Variants in TECPR1 observed in about 807,000 individuals in gnomAD.
TECPR1 encodes tectonin beta-propeller repeat containing 1.
A neutral mutation model predicts 162.4 loss-of-function variants in TECPR1; 122 were observed. The observed-to-expected ratio is 0.75, with a 90% CI of 0.65 to 0.87. The LOEUF is 0.87. TECPR1 is among the 40% of genes least tolerant of loss of function. The pLI, the probability that TECPR1 is intolerant of heterozygous loss-of-function variation, is 0.00. For missense variants in TECPR1, 1,432 were observed against 1,618.2 expected (o/e 0.88, Z 1.97); for synonymous variants, 642 against 670.6 (o/e 0.96, Z 0.66).
intron 23 of TECPR1, among the ~76,000 whole-genome samples, chr7:98,220,608 G>T (rs1031703667): frequency 1.3e-5 from 2 of 151,174 alleles, no homozygotes; most frequent in Admixed American, 1.3e-4. Flanking sequence ...ACCCAGGCTG[G>T]AGTGCAGTGA....
chr7:98,227,928 C>T (rs1050331837), intron 17 of TECPR1, 86 bp downstream of exon 17: 46 of 1,111,248 alleles, frequency 4.1e-5, no homozygotes, highest in Non-Finnish European at 5.2e-5. Context: ...CTGGACTCCA[C>T]GCTACGGTGG....
chr7:98,222,599 G>T, intron 21 of TECPR1, 78 bp from the exon 22 acceptor site: 2 of 1,505,222 alleles, frequency 1.3e-6, no homozygotes, highest in South Asian at 1.2e-5. Context: ...CAGCAGAAAT[G>T]GGCCTAGCGC....
At chr7:98,233,057 C>A in intron 11 of TECPR1, 85 bp from the exon 12 acceptor site, 2 of 1,458,010 alleles carry the variant, frequency 1.4e-6, no homozygotes, top group South Asian at 1.4e-5. Context: ...TCCACCAAAT[C>A]AGCCCTTTCT....
At chr7:98,221,877 C>T in intron 22 of TECPR1, 124 bp from the exon 23 acceptor site, 1 of 713,068 alleles carries the variant, frequency 1.4e-6, no homozygotes, top group South Asian at 1.8e-5. Context: ...GTGTGCCACA[C>T]AGAGCTGACA....
rs369865845 is a variant in TECPR1, at chr7:98,222,468, G to A, written c.2982C>T (p.Ile994=). ...GTDQPFASIS[I]GACYQVWAVA... The stretch of plus-strand genomic sequence containing the variant: ...CGGCCCACACCTGGTAGCAGGCCCC[G>A]ATGGAGATGGAGGCGAAGGGCTGGT... The change falls in exon 22 of 26, where the codon ATC becomes ATT. Residue 994 remains isoleucine, a synonymous_variant. Coordinates refer to ENST00000447648, the MANE Select transcript of TECPR1 (RefSeq NM_015395.3). The A allele has an allele frequency of 1.0e-4, 166 of 1,594,666 alleles. 1 individual carries two copies. Among genetic ancestry groups the A allele is most frequent in the Admixed American group, 3.0e-4 (17 of 57,122 alleles).
At chr7:98,236,249 A>AAGTC (rs1562940545) in intron 10 of TECPR1, among the ~76,000 whole-genome samples, 1 of 152,120 alleles carries the variant, frequency 6.6e-6, no homozygotes, top group East Asian at 1.9e-4. Flanking sequence ...GAGAAATACC[A>AAGTC]AGTCTCAAAC....
At position 98,233,761 on chromosome 7, in the gene TECPR1, T is replaced by G. The variant is rs1380645458; in HGVS notation, c.1332A>C (p.Ser444=). 6.2e-7 allele frequency: 1 copy of G among 1,612,646 alleles called. No individual in the cohort carries two copies. The highest frequency in any genetic ancestry group is 2.2e-5 in the East Asian group (1 of 44,878). ...TCCTGCCAGCCCCCAGGCCTGAGGC[T>G]GAGTTCCCTGTGGCATTCTTGGAAT... ...LDDSKNATGN[S]ASGLGAGRTA... is the part of the protein sequence containing the mutation. The change falls in exon 11 of 26, where the codon TCA becomes TCC. Residue 444 remains serine, a synonymous_variant. Transcript: ENST00000447648.
chr7:98,222,860 C>A, intron 21 of TECPR1, 130 bp downstream of exon 21: 1 of 1,275,968 alleles, frequency 7.8e-7, no homozygotes, highest in Non-Finnish European at 1.1e-6. Context: ...CCCCAGGGCA[C>A]AGGGACCCAC....
intron 17 of TECPR1, 26 bp downstream of exon 17, chr7:98,227,988 C>T (rs1798321982): frequency 6.3e-7 from 1 of 1,593,822 alleles, no homozygotes; most frequent in Non-Finnish European, 8.6e-7. Context: ...CAGGCAGCAT[C>T]CTGGCCGGGC....
chr7:98,247,231 C>T (rs1374381521), intron 2 of TECPR1, among the ~76,000 whole-genome samples: 2 of 152,052 alleles, frequency 1.3e-5, no homozygotes, highest in Non-Finnish European at 2.9e-5. Context: ...CGGCCTCGAA[C>T]TCCTGGGCTC....
At chr7:98,238,254 C>T (rs558167130) in intron 9 of TECPR1, among the ~76,000 whole-genome samples, 22 of 152,324 alleles carry the variant, frequency 1.4e-4, no homozygotes, top group Non-Finnish European at 8.8e-5. Flanking sequence ...CTGGCAGGCT[C>T]GCCTTGGGTT....
intron 18 of TECPR1, 62 bp downstream of exon 18, chr7:98,224,944 G>T: frequency 6.5e-7 from 1 of 1,540,386 alleles, no homozygotes; most frequent in Non-Finnish European, 8.8e-7. Context: ...GAACACTCGA[G>T]GAGGGGCAAG....
intron 15 of TECPR1, 84 bp from the exon 16 acceptor site, chr7:98,229,250 C>T: frequency 6.7e-7 from 1 of 1,490,820 alleles, no homozygotes. Flanking sequence ...TCCGTGTCCT[C>T]CTGTGGTTCT....
rs764624499 is a variant in TECPR1 at position 98,232,817 on chromosome 7, G to C, written c.1818+10C>G. 1 of 1,566,838 alleles carries C rather than the reference G, an allele frequency of 6.4e-7. No homozygotes were observed. Among genetic ancestry groups the C allele is most frequent in the Non-Finnish European group, 8.6e-7 (1 of 1,159,882 alleles). The stretch of plus-strand genomic sequence containing the variant: ...AAAAAAAATGCATGCGCAGCCACCG[G>C]GGCACCCACCTGCTCCACGGCCTGC... On this transcript the variant is annotated intron_variant, in intron 12 of 25. Transcript: ENST00000447648. The surrounding 1 kb of genome is among the most constrained non-coding windows in gnomAD (Gnocchi z 4.6).
chr7:98,237,047 T>C (rs1562940970), intron 9 of TECPR1, 126 bp from the exon 10 acceptor site: 1 of 1,086,354 alleles, frequency 9.2e-7, no homozygotes, highest in Non-Finnish European at 1.2e-6. Flanking sequence ...GGAAGGTCCA[T>C]GCTGGGGCTG....
Position 98,231,119 on chromosome 7 carries a change from C to G in TECPR1, c.2125-1G>C, listed in dbSNP as rs749220185. ...AGCAAGACAGGCTGAGCAGGGCGAG[C>G]TGGTGTGGCACAATGCCGGTCACTG... On this transcript the variant is annotated splice_acceptor_variant, in intron 14 of 25. Transcript: ENST00000447648. LOFTEE classifies it high-confidence loss of function. The G allele has an allele frequency of 1.2e-6, 2 of 1,601,432 alleles. No individual in the cohort carries two copies. Among genetic ancestry groups the G allele is most frequent in the Non-Finnish European group, 1.7e-6 (2 of 1,175,512 alleles).
At chr7:98,249,513 C>T (rs1438868309) in intron 2 of TECPR1, among the ~76,000 whole-genome samples, 2 of 152,208 alleles carry the variant, frequency 1.3e-5, no homozygotes. Context: ...CTGATCAGGA[C>T]TGAGGGTCCC....
At chr7:98,234,701 TTGTC>T (rs1251915974) in intron 10 of TECPR1, among the ~76,000 whole-genome samples, 5 of 140,522 alleles carry the variant, frequency 3.6e-5, no homozygotes, top group Non-Finnish European at 7.6e-5. Flanking sequence ...GCATTTGTTA[TTGTC>T]TTTTTTTTTT....
chr7:98,227,391 C>CAA (rs199953374), intron 17 of TECPR1, among the ~76,000 whole-genome samples: 14 of 118,790 alleles, frequency 1.2e-4, no homozygotes, highest in East Asian at 2.4e-4. Flanking sequence ...GACTCGGTCT[C>CAA]AAAAAAAAAA....
Sources: gnomAD v4.1 joint callset for allele counts (sites outside exome capture counted in the v4.1 genomes callset) on GRCh38, gnomAD v4.1.1 for gene constraint, Gnocchi (gnomAD v3.1) non-coding constraint, MANE v1.5 for transcripts, NCBI Gene and HGNC (gene_info 2026-07-23, HGNC 2026-07-21) for gene names.